Variants in AGAP1 observed in about 807,000 individuals in gnomAD.
The protein encoded by AGAP1 is ArfGAP with GTPase domain, ankyrin repeat and PH domain 1, also known as arf-GAP with GTPase, ANK repeat and PH domain-containing protein 1.
A neutral mutation model predicts 105.3 loss-of-function variants in AGAP1; 29 were observed. The observed-to-expected ratio is 0.28, with a 90% CI of 0.21 to 0.38. The LOEUF is 0.38. AGAP1 is among the 10% of genes least tolerant of loss of function. The pLI is 1.00. For missense variants in AGAP1, 998 were observed against 1,165.1 expected, an observed-to-expected ratio of 0.86 and a Z score of 2.09; for synonymous variants, 509 against 485.9, an observed-to-expected ratio of 1.05 and a Z score of -0.63.
intron 1 of AGAP1, among the ~76,000 whole-genome samples, chr2:235,512,040 AATGGATGTGTGTGTGAATGC>A (rs1942158853): frequency 7.7e-5 from 8 of 103,828 alleles, no homozygotes; most frequent in Admixed American, 9.9e-5. Context: ...AATGTGTGTG[AATGGATGTGTGTGTGAATGC>A]GTATGTGTGA....
intron 16 of AGAP1, among the ~76,000 whole-genome samples, chr2:236,074,103 G>T (rs887806555): frequency 6.6e-6 from 1 of 152,032 alleles, no homozygotes; most frequent in African/African-American, 2.4e-5. Flanking sequence ...GTGACAGTTT[G>T]CATGAGAGGT....
chr2:235,827,319 G>T (rs1383490538), intron 9 of AGAP1, among the ~76,000 whole-genome samples: 1 of 152,100 alleles, frequency 6.6e-6, no homozygotes, highest in Non-Finnish European at 1.5e-5. Flanking sequence ...TCAGGGCTTT[G>T]ACCTGAGGGC....
At position 235,821,382 on chromosome 2, in the gene AGAP1, A is replaced by ATTTT. The variant is rs200107062; in HGVS notation, c.1050+14067_1050+14070dup. Among the ~76,000 whole-genome samples the ATTTT allele has an allele frequency of 5.2e-5, 7 of 133,808 alleles. No individual in the cohort carries two copies. In the East Asian group the frequency reaches 8.8e-4, roughly 17 times the overall value. 87.8% of individuals were successfully genotyped at this position (133,808 alleles called of 152,430 possible). The stretch of plus-strand genomic sequence containing the variant: ...GGGGTAGGTTTAAAGCAGAACTTCA[A>ATTTT]TTTTTTTTTTTTTTTTTTTGAGACG... On this transcript the variant is annotated intron_variant, in intron 9 of 17. Coordinates refer to ENST00000304032, the MANE Select transcript of AGAP1 (RefSeq NM_001037131.3).
intron 14 of AGAP1, chr2:236,037,298 A>G (rs1486243851): frequency 6.6e-6 from 1 of 152,134 alleles, no homozygotes; most frequent in Non-Finnish European, 1.5e-5. Flanking sequence ...TCTGGTTCTC[A>G]CCAGAAAACG....
rs181240515 is a variant in AGAP1 at position 235,556,804 on chromosome 2, G to A, written c.163+61955G>A. The stretch of plus-strand genomic sequence containing the variant: ...TTGCTTATTGTATATTTGAGAAGTG[G>A]CACTTATTTACCCTGGAGTGAATGT... On this transcript the variant is annotated intron_variant, in intron 1 of 17. Transcript: ENST00000304032. The surrounding 1 kb of genome is among the most constrained non-coding windows in gnomAD (Gnocchi z 5.3). Among the ~76,000 whole-genome samples, 20 of 152,310 alleles carry A rather than the reference G, an allele frequency of 1.3e-4. No homozygotes were observed. The highest frequency in any genetic ancestry group is 4.6e-4 in the African/African-American group (19 of 41,584).
intron 16 of AGAP1, among the ~76,000 whole-genome samples, chr2:236,067,325 G>A (rs1272103751): frequency 6.6e-6 from 1 of 152,006 alleles, no homozygotes; most frequent in Non-Finnish European, 1.5e-5. Context: ...CTCAATAGAG[G>A]GCTAAGTTCT....
rs186859907 is a variant in AGAP1 at position 235,716,713 on chromosome 2, C to A, written c.223-844C>A. On this transcript the variant is annotated intron_variant, in intron 2 of 17. Coordinates refer to ENST00000304032, the MANE Select transcript of AGAP1 (RefSeq NM_001037131.3). The surrounding 1 kb of genome is among the most constrained non-coding windows in gnomAD (Gnocchi z 4.0). The stretch of plus-strand genomic sequence containing the variant: ...CAGAGAAGGCGGCATGGGGGGTATC[C>A]AGCTCCCAAGCACAGGGAAAGGGAG... Among the ~76,000 whole-genome samples the A allele has an allele frequency of 6.6e-6, 1 of 152,130 alleles. No homozygotes were observed. The highest frequency in any genetic ancestry group is 1.5e-5 in the Non-Finnish European group (1 of 68,008).
Position 236,035,762 on chromosome 2 carries a change from T to C in AGAP1, c.1646-799T>C, listed in dbSNP as rs1395213449. Among the ~76,000 whole-genome samples the C allele has an allele frequency of 1.3e-5, 2 of 152,134 alleles. No homozygotes were observed. Among genetic ancestry groups the C allele is most frequent in the African/African-American group, 4.8e-5 (2 of 41,430 alleles). On this transcript the variant is annotated intron_variant, in intron 13 of 17. Transcript: ENST00000304032. This position sits in a 1 kb window ranked among gnomAD's most constrained non-coding sequence, Gnocchi z 4.2. ...CGACGTGGATCTGTGGAGTGTCTCCTATGGACCAGGTCCCAAGTCCGCATG... is the reference window on the plus strand; with the variant it reads ...CGACGTGGATCTGTGGAGTGTCTCCCATGGACCAGGTCCCAAGTCCGCATG...
At position 236,090,143 on chromosome 2, in the gene AGAP1, C is replaced by G. The variant is rs1439088090; in HGVS notation, c.2115-30049C>G. On this transcript the variant is annotated intron_variant, in intron 16 of 17. Coordinates refer to ENST00000304032, the MANE Select transcript of AGAP1 (RefSeq NM_001037131.3). This position sits in a 1 kb window ranked among gnomAD's most constrained non-coding sequence, Gnocchi z 4.3. ...AGCCCTTCACAGAGACCGGCCGTGTCCTCACCCCTCTGTCACCATTGTGGG... is the reference window on the plus strand; with the variant it reads ...AGCCCTTCACAGAGACCGGCCGTGTGCTCACCCCTCTGTCACCATTGTGGG... 6.6e-6 allele frequency among the ~76,000 whole-genome samples: 1 copy of G among 152,184 alleles called. No homozygotes were observed. Among genetic ancestry groups the G allele is most frequent in the East Asian group, 1.9e-4 (1 of 5,180 alleles).
In AGAP1 at chr2:235,962,728, C is replaced by T. The variant is rs1308626034; in HGVS notation, c.1484-5734C>T. Among the ~76,000 whole-genome samples, 2 of 152,110 alleles carry T rather than the reference C, an allele frequency of 1.3e-5. No homozygotes were observed. The highest frequency in any genetic ancestry group is 2.9e-5 in the Non-Finnish European group (2 of 68,024). On this transcript the variant is annotated intron_variant, in intron 12 of 17. Coordinates refer to ENST00000304032, the MANE Select transcript of AGAP1 (RefSeq NM_001037131.3). The surrounding 1 kb of genome is among the most constrained non-coding windows in gnomAD (Gnocchi z 5.3). ...ACCAAAATTCCAAAGGAGGTGTGTGCGAGAGGTTGAAAACTAGAAGCTCTG... is the reference window on the plus strand; with the variant it reads ...ACCAAAATTCCAAAGGAGGTGTGTGTGAGAGGTTGAAAACTAGAAGCTCTG...
intron 6 of AGAP1, among the ~76,000 whole-genome samples, chr2:235,770,671 AC>A (rs576974457): frequency 5.5e-4 from 83 of 152,052 alleles, no homozygotes; most frequent in African/African-American, 1.9e-3. Context: ...ATCATTTCAG[AC>A]TTTTATTTAA....
At chr2:235,683,517 A>G (rs1236253088) in intron 1 of AGAP1, among the ~76,000 whole-genome samples, 1 of 150,574 alleles carries the variant, frequency 6.6e-6, no homozygotes, top group East Asian at 1.9e-4. Context: ...AATAAAACTT[A>G]TAGATTATAA....
chr2:235,525,464 G>T (rs998376658), intron 1 of AGAP1, among the ~76,000 whole-genome samples: 20 of 151,946 alleles, frequency 1.3e-4, no homozygotes, highest in African/African-American at 4.6e-4. Context: ...GATACATAAC[G>T]TGGAGGACTG....
chr2:235,535,346 G>A lies in AGAP1; in HGVS notation c.163+40497G>A, dbSNP rs368986485. Among the ~76,000 whole-genome samples, 1 of 152,168 alleles carries A rather than the reference G, an allele frequency of 6.6e-6. No homozygotes were observed. The highest frequency in any genetic ancestry group is 1.9e-4 in the East Asian group (1 of 5,178). ...AAGAAAATGAAGTACTGCATGCGAC[G>A]AGCAAGTTTATTGAAGAGGGTGTGA... On this transcript the variant is annotated intron_variant, in intron 1 of 17. Coordinates refer to ENST00000304032, the MANE Select transcript of AGAP1 (RefSeq NM_001037131.3). This position sits in a 1 kb window ranked among gnomAD's most constrained non-coding sequence, Gnocchi z 5.1.
At chr2:235,935,196 C>T (rs2125177759) in intron 12 of AGAP1, among the ~76,000 whole-genome samples, 1 of 152,312 alleles carries the variant, frequency 6.6e-6, no homozygotes, top group Admixed American at 6.5e-5. Flanking sequence ...GCGTTGCTAA[C>T]ATGAGACCTG....
At chr2:235,679,371 A>G (rs1387108198) in intron 1 of AGAP1, among the ~76,000 whole-genome samples, 1 of 152,212 alleles carries the variant, frequency 6.6e-6, no homozygotes, top group Non-Finnish European at 1.5e-5. Context: ...TGAGATATAC[A>G]TTTGCCCAGG....
At position 235,749,215 on chromosome 2, in the gene AGAP1, AAAAAG is replaced by A. The variant is rs562435805; in HGVS notation, c.539-1134_539-1130del. On this transcript the variant is annotated intron_variant, in intron 5 of 17. Transcript: ENST00000304032. Reference sequence around the variant, plus strand: ...ACAGTGAGACTCCATCTCATTAAAAAAAAAGAAAAAAAAAGCTGTCTGTGAAAAGT... The same window carrying A: ...ACAGTGAGACTCCATCTCATTAAAAAAAAAAAAAAGCTGTCTGTGAAAAGT... 1.3e-3 allele frequency among the ~76,000 whole-genome samples: 122 copies of A among 90,458 alleles called. 2 individuals are homozygous for A. In the East Asian group the frequency reaches 0.072, roughly 54 times the overall value. The allele number at this position is 90,458 out of a possible 152,430, so 59.3% of individuals were successfully genotyped here.
intron 16 of AGAP1, among the ~76,000 whole-genome samples, chr2:236,091,242 G>A (rs549542862): frequency 1.3e-5 from 2 of 152,354 alleles, no homozygotes; most frequent in South Asian, 2.1e-4. Flanking sequence ...GACGGAGGTC[G>A]CTGCTAGTCC....
At chr2:235,579,161 A>G (rs1190810200) in intron 1 of AGAP1, among the ~76,000 whole-genome samples, 1 of 152,148 alleles carries the variant, frequency 6.6e-6, no homozygotes, top group Non-Finnish European at 1.5e-5. Context: ...CTTTCGTATA[A>G]GGGCGCACTG....
Sources: gnomAD v4.1 joint callset for allele counts (sites outside exome capture counted in the v4.1 genomes callset) on GRCh38, gnomAD v4.1.1 for gene constraint, Gnocchi (gnomAD v3.1) non-coding constraint, MANE v1.5 for transcripts, NCBI Gene and HGNC (gene_info 2026-07-23, HGNC 2026-07-21) for gene names.